CHD9: variants seen among roughly 807,000 people sequenced by gnomAD.
The protein encoded by CHD9 is ATP-dependent chromatin remodeler CHD9.
A neutral mutation model predicts 316.1 loss-of-function variants in CHD9; 77 were observed. The ratio of observed to expected loss-of-function variants is 0.24; its 90% CI spans 0.20 to 0.29. The LOEUF is 0.29. CHD9 is among the 10% of genes least tolerant of loss of function. The probability of loss-of-function intolerance (pLI) is 1.00; values close to 1 mark genes in which losing one functional copy is unlikely to be tolerated. For missense variants in CHD9, 2,763 were observed against 3,438.1 expected, an observed-to-expected ratio of 0.80 and a Z score of 4.91; for synonymous variants, 1,129 against 1,158.3, an observed-to-expected ratio of 0.97 and a Z score of 0.51.
chr16:53,292,957 A>G lies in CHD9; in HGVS notation c.5415A>G (p.Gln1805=), dbSNP rs776086891. ...TNKNRQIQQI[Q]PTFSVPTSVM... is the part of the protein sequence containing the mutation. ...AAAACAGACAAATTCAGCAGATACA[A>G]CCGACTTTCTCGGTGCCTACCAGTG... Residue 1805 remains glutamine, a synonymous_variant, in exon 29 of 39, where the codon CAA becomes CAG. Transcript: ENST00000447540. 5.6e-6 allele frequency: 9 copies of G among 1,613,768 alleles called. No homozygotes were observed. The highest frequency in any genetic ancestry group is 1.1e-5 in the South Asian group (1 of 91,050).
intron 1 of CHD9, among the ~76,000 whole-genome samples, chr16:53,070,489 TTTCCTTCCTTCCTTCCTTCCTTCC>T (rs61654246): frequency 2.1e-5 from 3 of 144,792 alleles, no homozygotes; most frequent in African/African-American, 8.0e-5. Flanking sequence ...TCTTTCTTTC[TTTCCTTCCTTCCTTCCTTCCTTCC>T]TTCCTTCCTT....
In CHD9 at chr16:53,324,301, T is replaced by G; in HGVS notation, c.8100T>G (p.Ser2700=). 6.2e-7 allele frequency: 1 copy of G among 1,614,014 alleles called. No individual in the cohort carries two copies. Among genetic ancestry groups the G allele is most frequent in the African/African-American group, 1.3e-5 (1 of 75,060 alleles). ...TGGGAATGCCTACCGGCCTTCCTTC[T>G]GGAGGAGAAGCTAAAAACATGGCTG... ...GLMGMPTGLP[S]GGEAKNMAAM... Residue 2700 remains serine, a synonymous_variant, in exon 39 of 39, where the codon TCT becomes TCG. Transcript: ENST00000447540.
chr16:53,284,865 A>G (rs773623683), intron 24 of CHD9, among the ~76,000 whole-genome samples: 1 of 152,164 alleles, frequency 6.6e-6, no homozygotes, highest in Non-Finnish European at 1.5e-5. Context: ...TCCCAGGCTC[A>G]GGAGATTTTC....
rs930866479 is a variant in CHD9, at chr16:53,131,382, C to T, written c.-164-24544C>T. ...GGGAGGGGCAGGCGGGGCGGCGCCCCCGCCTGAGGTGAGGGATCCGGTCCC... is the reference window on the plus strand; with the variant it reads ...GGGAGGGGCAGGCGGGGCGGCGCCCTCGCCTGAGGTGAGGGATCCGGTCCC... On this transcript the variant is annotated intron_variant, in intron 1 of 38. Transcript: ENST00000447540. The T allele has an allele frequency of 9.5e-4, 142 of 148,718 alleles. 2 individuals carry two copies. The highest frequency in any genetic ancestry group is 3.1e-3 in the African/African-American group (125 of 40,538). 9.2% of individuals were successfully genotyped at this position (148,718 alleles called of 1,614,324 possible).
At position 53,104,850 on chromosome 16, in the gene CHD9, G is replaced by A. The variant is rs528644357; in HGVS notation, c.-165+49773G>A. ...AAAAGTTATAATGAACTTCTTTCTC[G>A]TATATTCTCCTAGTTGAAGGGCTTA... On this transcript the variant is annotated intron_variant, in intron 1 of 38. Coordinates refer to ENST00000447540, the MANE Select transcript of CHD9 (RefSeq NM_001308319.2). Among the ~76,000 whole-genome samples the A allele has an allele frequency of 4.0e-5, 6 of 150,748 alleles. 1 individual carries two copies. The highest frequency in any genetic ancestry group is 9.7e-5 in the African/African-American group (4 of 41,026).
chr16:53,091,591 T>A (rs1432886157), intron 1 of CHD9, among the ~76,000 whole-genome samples: 2 of 152,204 alleles, frequency 1.3e-5, no homozygotes, highest in African/African-American at 4.8e-5. Flanking sequence ...ATGACCAAAC[T>A]GGTTTGGTTT....
chr16:53,059,956 A>T (rs1394163365), intron 1 of CHD9, among the ~76,000 whole-genome samples: 1 of 152,216 alleles, frequency 6.6e-6, no homozygotes, highest in African/African-American at 2.4e-5. Flanking sequence ...TCTGGGTTCC[A>T]ATAAAGCTTT....
chr16:53,145,389 G>A (rs1316157823), intron 1 of CHD9, among the ~76,000 whole-genome samples: 2 of 151,256 alleles, frequency 1.3e-5, no homozygotes, highest in Non-Finnish European at 3.0e-5. Flanking sequence ...GACCTCAGGT[G>A]ATCTGCCCAC....
chr16:53,141,377 A>G (rs77224510), intron 1 of CHD9, among the ~76,000 whole-genome samples: 8 of 152,304 alleles, frequency 5.3e-5, no homozygotes, highest in Non-Finnish European at 8.8e-5. Context: ...TGAAAATAGG[A>G]TTCTTTCACT....
intron 18 of CHD9, 39 bp from the exon 19 acceptor site, chr16:53,255,561 T>A (rs2050518889): frequency 1.3e-6 from 2 of 1,571,638 alleles, no homozygotes; most frequent in South Asian, 2.3e-5. Context: ...TTATGAACTT[T>A]AAAAAAAACT....
intron 29 of CHD9, 103 bp from the exon 30 acceptor site, chr16:53,296,853 G>C (rs1193770897): frequency 2.7e-6 from 2 of 727,778 alleles, no homozygotes; most frequent in Non-Finnish European, 4.5e-6. Flanking sequence ...TATAGTGTTA[G>C]GTACTTGAAA....
chr16:53,175,823 T>G (rs756957055), intron 2 of CHD9, among the ~76,000 whole-genome samples: 15 of 152,214 alleles, frequency 9.9e-5, no homozygotes, highest in Non-Finnish European at 1.8e-4. Flanking sequence ...TCACAATATC[T>G]CTGAGTTAGA....
intron 4 of CHD9, 144 bp downstream of exon 4, chr16:53,222,899 A>G (rs1323089123): frequency 1.8e-6 from 1 of 540,726 alleles, no homozygotes; most frequent in Non-Finnish European, 3.4e-6. Context: ...CATTATTACA[A>G]TATGTCCTGG....
At chr16:53,261,566 G>A (rs1276492045) in intron 19 of CHD9, among the ~76,000 whole-genome samples, 1 of 151,908 alleles carries the variant, frequency 6.6e-6, no homozygotes, top group East Asian at 1.9e-4. Flanking sequence ...TTACAGAGAT[G>A]GGGTCTCACT....
intron 1 of CHD9, among the ~76,000 whole-genome samples, chr16:53,145,527 C>T (rs1363967359): frequency 1.3e-5 from 2 of 151,550 alleles, no homozygotes; most frequent in African/African-American, 4.8e-5. Context: ...GCCAACATGG[C>T]GAAACCCTGT....
intron 5 of CHD9, among the ~76,000 whole-genome samples, chr16:53,226,988 T>G (rs1273993987): frequency 6.6e-6 from 1 of 152,134 alleles, no homozygotes; most frequent in Admixed American, 6.5e-5. Context: ...TTCCCTCGTC[T>G]ATGATTTTTT....
intron 2 of CHD9, among the ~76,000 whole-genome samples, chr16:53,199,119 T>C: frequency 6.6e-6 from 1 of 152,102 alleles, no homozygotes; most frequent in Admixed American, 6.6e-5. Flanking sequence ...CTACAAGTTC[T>C]GGGGGTTCCC....
At chr16:53,098,941 T>G (rs1029274073) in intron 1 of CHD9, among the ~76,000 whole-genome samples, 2 of 152,152 alleles carry the variant, frequency 1.3e-5, no homozygotes, top group Admixed American at 1.3e-4. Context: ...CTTTCCTCTA[T>G]AGTGTACGGG....
chr16:53,151,968 A>ATG (rs75657191), intron 1 of CHD9, among the ~76,000 whole-genome samples: 4,173 of 147,392 alleles, frequency 0.028, 96 homozygotes, highest in East Asian at 0.063. Context: ...CTTTCAGGGT[A>ATG]TGTGTGTGTG....
Sources: allele counts gnomAD v4.1 joint callset (sites outside exome capture counted in the v4.1 genomes callset), GRCh38; gene constraint gnomAD v4.1.1; transcripts MANE v1.5; gene names NCBI Gene and HGNC (gene_info 2026-07-23, HGNC 2026-07-21).